The following PRRX2 variants were observed in gnomAD, a reference collection of about 807,000 sequenced individuals.
PRRX2 encodes paired related homeobox 2, also known as paired mesoderm homeobox protein 2.
In PRRX2, 11 loss-of-function variants were observed where a neutral mutation model predicts 18.0. That is an observed-to-expected ratio of 0.61 (90% CI 0.39 to 1.01). The LOEUF is 1.01. PRRX2 is among the 50% of genes least tolerant of loss of function. The pLI is 0.01. For synonymous variants in PRRX2, 177 were observed against 154.8 expected, an observed-to-expected ratio of 1.14 and a Z score of -1.06; for missense variants, 387 against 351.0, an observed-to-expected ratio of 1.10 and a Z score of -0.82.
chr9:129,715,048 G>C lies in PRRX2; in HGVS notation c.260-4183G>C, dbSNP rs983757711. 6.6e-6 allele frequency among the ~76,000 whole-genome samples: 1 copy of C among 152,062 alleles called. No individual in the cohort carries two copies. On this transcript the variant is annotated intron_variant, in intron 1 of 3. Transcript: ENST00000372469. The surrounding 1 kb of genome is among the most constrained non-coding windows in gnomAD (Gnocchi z 4.0). ...GCAGCAGACATTCTCATCCATCCTC[G>C]CCTTTGCTTGAGGAGTGAAGAGTGA...
chr9:129,717,502 C>G (rs146313326), intron 1 of PRRX2, among the ~76,000 whole-genome samples: 3,114 of 151,946 alleles, frequency 0.02, 53 homozygotes, highest in Middle Eastern at 0.078. Flanking sequence ...TCGAGACCAG[C>G]CTGGCCAACA....
intron 1 of PRRX2, among the ~76,000 whole-genome samples, chr9:129,700,885 C>T (rs1189743073): frequency 6.6e-6 from 1 of 152,234 alleles, no homozygotes; most frequent in Non-Finnish European, 1.5e-5. Flanking sequence ...TCCCAAAGTG[C>T]TGGGATTACA....
chr9:129,684,746 C>A (rs1832283098), intron 1 of PRRX2, among the ~76,000 whole-genome samples: 2 of 152,154 alleles, frequency 1.3e-5, no homozygotes, highest in South Asian at 4.1e-4. Context: ...TAACAGAACT[C>A]ACGTTTATAA....
chr9:129,708,071 C>G (rs1479023100), intron 1 of PRRX2, among the ~76,000 whole-genome samples: 6 of 152,120 alleles, frequency 3.9e-5, no homozygotes, highest in Non-Finnish European at 5.9e-5. Context: ...GAGTCTCGCT[C>G]TGTTGCCCAG....
At chr9:129,705,856 G>A (rs989322620) in intron 1 of PRRX2, among the ~76,000 whole-genome samples, 7 of 149,964 alleles carry the variant, frequency 4.7e-5, no homozygotes, top group South Asian at 2.1e-4. Context: ...CAGGTGGATC[G>A]CCTGAGGTCA....
rs763470813 is a variant in PRRX2 at position 129,719,219 on chromosome 9, C to G, written c.260-12C>G. 1 of 1,560,044 alleles carries G rather than the reference C, an allele frequency of 6.4e-7. No homozygotes were observed. Among genetic ancestry groups the G allele is most frequent in the Non-Finnish European group, 8.7e-7 (1 of 1,151,624 alleles). ...CGTCCTGCTGACCATCCCGCCCCCC[C>G]AACCTCCGCAGGTGAGTGTCCCAGC... On this transcript the variant is annotated splice_polypyrimidine_tract_variant and intron_variant, in intron 1 of 3. Coordinates refer to ENST00000372469, the MANE Select transcript of PRRX2 (RefSeq NM_016307.4).
chr9:129,681,444 C>T (rs183040203), intron 1 of PRRX2, among the ~76,000 whole-genome samples: 69 of 152,178 alleles, frequency 4.5e-4, no homozygotes, highest in South Asian at 1.0e-3. Context: ...TGCTTGAACC[C>T]GGGAGGTGGA....
rs1199640122 is a variant in PRRX2 at position 129,665,844 on chromosome 9, GC to G, written c.-17del. The G allele has an allele frequency of 5.1e-5, 52 of 1,029,560 alleles. No individual in the cohort carries two copies. The highest frequency in any genetic ancestry group is 6.9e-5 in the African/African-American group (4 of 57,886). 63.8% of individuals were successfully genotyped at this position (1,029,560 alleles called of 1,614,324 possible). On this transcript the variant is annotated 5_prime_UTR_variant, in exon 1 of 4. Transcript: ENST00000372469. This position sits in a 1 kb window ranked among gnomAD's most constrained non-coding sequence, Gnocchi z 5.3. ...GGACCCGAGCCCGAGACCCCCGCCG[GC>G]CCCCCCGGGGCCGCTCGCGGGCATG...
rs1480141339 is a variant in PRRX2, at chr9:129,665,820, G to A, written c.-48G>A. The A allele has an allele frequency of 6.8e-6, 7 of 1,023,162 alleles. No homozygotes were observed. Among genetic ancestry groups the A allele is most frequent in the Admixed American group, 5.7e-5 (1 of 17,448 alleles). 63.4% of individuals were successfully genotyped at this position (1,023,162 alleles called of 1,614,324 possible). On this transcript the variant is annotated 5_prime_UTR_variant, in exon 1 of 4. Transcript: ENST00000372469. The surrounding 1 kb of genome is among the most constrained non-coding windows in gnomAD (Gnocchi z 5.3). ...GACCCGCGCCCGCGACCCTTCCTGG[G>A]ACCCGAGCCCGAGACCCCCGCCGGC...
intron 1 of PRRX2, among the ~76,000 whole-genome samples, chr9:129,691,854 A>T (rs61452737): frequency 1.1e-4 from 16 of 150,470 alleles, no homozygotes; most frequent in Admixed American, 2.0e-4. Flanking sequence ...AATTAAAAAA[A>T]TTTTTTTTGT....
intron 1 of PRRX2, among the ~76,000 whole-genome samples, chr9:129,710,252 G>A (rs530995198): frequency 3.9e-5 from 6 of 152,262 alleles, no homozygotes; most frequent in South Asian, 2.1e-4. Context: ...AACAGCGGCC[G>A]GGCAGCCCTG....
chr9:129,699,252 G>A (rs141483723), intron 1 of PRRX2, among the ~76,000 whole-genome samples: 2 of 152,276 alleles, frequency 1.3e-5, no homozygotes, highest in Non-Finnish European at 2.9e-5. Context: ...GTGAAACCTC[G>A]TCTAAAATAT....
rs576674303 is a variant in PRRX2 at position 129,682,129 on chromosome 9, A to G, written c.259+16003A>G. On this transcript the variant is annotated intron_variant, in intron 1 of 3. Coordinates refer to ENST00000372469, the MANE Select transcript of PRRX2 (RefSeq NM_016307.4). ...GAGGTACCCCAGGGAGAGGAGGTCC[A>G]GAGTGGGGCCAGGATGTCACATGGA... Among the ~76,000 whole-genome samples, 114 of 152,198 alleles carry G rather than the reference A, an allele frequency of 7.5e-4. 2 individuals are homozygous for G. In the South Asian group the frequency reaches 0.019, roughly 26 times the overall value.
At chr9:129,705,736 G>A (rs921060738) in intron 1 of PRRX2, among the ~76,000 whole-genome samples, 20 of 152,028 alleles carry the variant, frequency 1.3e-4, no homozygotes, top group Non-Finnish European at 2.2e-4. Context: ...CCCCGCTACC[G>A]TTAGCCTGCT....
rs762929485 is a variant in PRRX2 at position 129,715,750 on chromosome 9, T to TCTCTCTCTCTCTCACACACACA, written c.260-3480_260-3479insTCTCTCTCTCTCACACACACAC. On this transcript the variant is annotated intron_variant, in intron 1 of 3. Transcript: ENST00000372469. The surrounding 1 kb of genome is among the most constrained non-coding windows in gnomAD (Gnocchi z 4.0). ...AAACCCAGCTTCAGGGACATCTTTCTCACACACACACACACACACACACAC... is the reference window on the plus strand; with the variant it reads ...AAACCCAGCTTCAGGGACATCTTTCTCTCTCTCTCTCTCACACACACACACACACACACACACACACACACAC... Among the ~76,000 whole-genome samples, 3 of 138,862 alleles carry TCTCTCTCTCTCTCACACACACA rather than the reference T, an allele frequency of 2.2e-5. No individual in the cohort carries two copies. The highest frequency in any genetic ancestry group is 4.5e-4 in the East Asian group (2 of 4,400). 91.1% of individuals were successfully genotyped at this position (138,862 alleles called of 152,430 possible). A position where few individuals can be genotyped will look rare whatever the true frequency, so the allele number is the denominator to read the frequency against.
chr9:129,698,222 A>G (rs913076294), intron 1 of PRRX2, among the ~76,000 whole-genome samples: 123 of 93,420 alleles, frequency 1.3e-3, no homozygotes, highest in Admixed American at 8.5e-3. Context: ...AGCTCCCAGC[A>G]GGGGAGCTTA....
At chr9:129,721,099 G>A (rs942134124) in intron 3 of PRRX2, among the ~76,000 whole-genome samples, 6 of 152,238 alleles carry the variant, frequency 3.9e-5, no homozygotes, top group Non-Finnish European at 7.3e-5. Flanking sequence ...GAGTGTGTGC[G>A]TGAACACCTG....
At position 129,719,221 on chromosome 9, in the gene PRRX2, A is replaced by G. The variant is rs896914944; in HGVS notation, c.260-10A>G. ...TCCTGCTGACCATCCCGCCCCCCCA[A>G]CCTCCGCAGGTGAGTGTCCCAGCCC... On this transcript the variant is annotated splice_polypyrimidine_tract_variant and intron_variant, in intron 1 of 3. Coordinates refer to ENST00000372469, the MANE Select transcript of PRRX2 (RefSeq NM_016307.4). 3 of 1,561,618 alleles carry G rather than the reference A, an allele frequency of 1.9e-6. No individual in the cohort carries two copies. Among genetic ancestry groups the G allele is most frequent in the Non-Finnish European group, 2.6e-6 (3 of 1,152,532 alleles).
intron 1 of PRRX2, among the ~76,000 whole-genome samples, chr9:129,667,814 A>G (rs1832045382): frequency 1.3e-5 from 2 of 152,180 alleles, no homozygotes; most frequent in African/African-American, 4.8e-5. Flanking sequence ...GGGCGCCTAG[A>G]CAAGGCCCTT....
Sources: gnomAD v4.1 joint callset for allele counts (sites outside exome capture counted in the v4.1 genomes callset) on GRCh38, gnomAD v4.1.1 for gene constraint, Gnocchi (gnomAD v3.1) non-coding constraint, MANE v1.5 for transcripts, NCBI Gene and HGNC (gene_info 2026-07-23, HGNC 2026-07-21) for gene names.